The following SORBS3 variants were observed in gnomAD, a reference collection of about 807,000 sequenced individuals.
The protein encoded by SORBS3 is vinexin.
SORBS3 carries 69 observed loss-of-function variants against 98.0 expected under a neutral mutation model. The observed-to-expected ratio is 0.70, with a 90% CI of 0.58 to 0.86. The LOEUF (loss-of-function observed/expected upper bound fraction) is 0.86, where lower values mean the gene tolerates loss of function less well. SORBS3 is among the 40% of genes least tolerant of loss of function. The pLI is 0.00. For synonymous variants in SORBS3, 394 were observed against 355.4 expected, an observed-to-expected ratio of 1.11 and a Z score of -1.22; for missense variants, 954 against 908.5, an observed-to-expected ratio of 1.05 and a Z score of -0.64.
upstream of SORBS3, among the ~76,000 whole-genome samples, chr8:22,550,493 C>A (rs944635778): frequency 5.3e-5 from 8 of 152,220 alleles, no homozygotes; most frequent in Non-Finnish European, 1.0e-4. Context: ...GCCCCGCAGG[C>A]GCTAGAGGCC....
chr8:22,564,665 T>C, intron 10 of SORBS3, 144 bp downstream of exon 10: 2 of 1,373,234 alleles, frequency 1.5e-6, no homozygotes, highest in African/African-American at 1.5e-5. Context: ...ATGCCAGCAC[T>C]CAGGACAGTG....
Position 22,561,318 on chromosome 8 carries a change from C to T in SORBS3, c.479-17C>T, listed in dbSNP as rs374402685. 1.3e-6 allele frequency: 2 copies of T among 1,586,734 alleles called. No individual in the cohort carries two copies. The highest frequency in any genetic ancestry group is 2.7e-5 in the African/African-American group (2 of 74,078). Reference sequence around the variant, plus strand: ...TTTCTGCCCCGTCCCATGACCTGGTCCCTTCTGCTCCTGCAGACTTGCAGC... The same window carrying T: ...TTTCTGCCCCGTCCCATGACCTGGTTCCTTCTGCTCCTGCAGACTTGCAGC... On this transcript the variant is annotated splice_polypyrimidine_tract_variant and intron_variant, in intron 5 of 20. Transcript: ENST00000240123.
chr8:22,555,836 A>G (rs1043085833), intron 3 of SORBS3, among the ~76,000 whole-genome samples: 1 of 152,192 alleles, frequency 6.6e-6, no homozygotes, highest in Non-Finnish European at 1.5e-5. Flanking sequence ...GGGCAACAAG[A>G]GCAAAACTGT....
intron 12 of SORBS3, 87 bp from the exon 13 acceptor site, chr8:22,566,258 G>A (rs1840416056): frequency 6.8e-7 from 1 of 1,481,094 alleles, no homozygotes; most frequent in Admixed American, 2.2e-5. Context: ...CAGGGATGGG[G>A]GCGATGGGGG....
Position 22,565,423 on chromosome 8 carries a change from C to T in SORBS3, c.903+69C>T, listed in dbSNP as rs533690584. The T allele has an allele frequency of 1.6e-3, 2,102 of 1,310,704 alleles. 17 individuals carry two copies. Among genetic ancestry groups the T allele is most frequent in the Middle Eastern group, 1.0e-2 (38 of 3,818 alleles). 81.2% of individuals were successfully genotyped at this position (1,310,704 alleles called of 1,614,324 possible). The stretch of plus-strand genomic sequence containing the variant: ...CAGGGTCGGGGCGAGCCGGGAGCCT[C>T]GGCGGCTGGGCTGGGCGGAGGACGG... On this transcript the variant is annotated intron_variant, in intron 11 of 20. Transcript: ENST00000240123.
chr8:22,571,728 C>T lies in SORBS3; in HGVS notation c.1754C>T (p.Thr585Ile). Residue 585 changes from threonine (T) to isoleucine (I), a missense_variant, in exon 19 of 21, where the codon ACC (threonine) becomes ATC (isoleucine). Thr to Ile is a moderately conservative substitution (Grantham distance 89, BLOSUM62 -1). Coordinates refer to ENST00000240123, the MANE Select transcript of SORBS3 (RefSeq NM_005775.5). ...EPRPQTQNLG[T>I]PGPALSHSRG... ...CCTGTCAACTCCCAGAATCTTGGCACCCCTGGTCCAGCTCTGTCCCACTCT... is the reference window on the plus strand; with the variant it reads ...CCTGTCAACTCCCAGAATCTTGGCATCCCTGGTCCAGCTCTGTCCCACTCT... 5 of 1,613,654 alleles carry T rather than the reference C, an allele frequency of 3.1e-6. No individual in the cohort carries two copies. Among genetic ancestry groups the T allele is most frequent in the Non-Finnish European group, 4.2e-6 (5 of 1,179,616 alleles).
chr8:22,564,132 G>C, intron 8 of SORBS3, 55 bp downstream of exon 8: 1 of 1,558,986 alleles, frequency 6.4e-7, no homozygotes, highest in Admixed American at 1.7e-5. Flanking sequence ...GTATGGCCAA[G>C]ACCCTATGCC....
At chr8:22,564,690 G>A in intron 10 of SORBS3, 169 bp downstream of exon 10, 1 of 1,387,766 alleles carries the variant, frequency 7.2e-7, no homozygotes, top group Non-Finnish European at 9.5e-7. Context: ...GCATACAGGA[G>A]GCGCTCAGTA....
At chr8:22,568,200 T>C (rs1206960193) in intron 16 of SORBS3, among the ~76,000 whole-genome samples, 2 of 152,230 alleles carry the variant, frequency 1.3e-5, no homozygotes, top group Non-Finnish European at 2.9e-5. Flanking sequence ...TCTTCTCTTA[T>C]TCTGTCTAGA....
upstream of SORBS3, among the ~76,000 whole-genome samples, chr8:22,550,573 C>A (rs751341686): frequency 6.6e-6 from 1 of 152,182 alleles, no homozygotes; most frequent in Non-Finnish European, 1.5e-5. Flanking sequence ...TTCAAGGCAA[C>A]GGGGAGAGCT....
At chr8:22,560,417 TGA>T (rs1840268660) in intron 5 of SORBS3, among the ~76,000 whole-genome samples, 1 of 152,122 alleles carries the variant, frequency 6.6e-6, no homozygotes, top group South Asian at 2.1e-4. Context: ...CTTAGAAGTT[TGA>T]GAGATGAGGC....
chr8:22,566,117 G>C (rs1840411221), intron 12 of SORBS3: 2 of 597,408 alleles, frequency 3.3e-6, no homozygotes, highest in East Asian at 3.5e-5. Flanking sequence ...AGCGCGGTTA[G>C]GGCGGCCCCG....
At chr8:22,572,724 C>T (rs759413201) in intron 20 of SORBS3, among the ~76,000 whole-genome samples, 26 of 152,222 alleles carry the variant, frequency 1.7e-4, no homozygotes, top group Admixed American at 1.4e-3. Context: ...GGGTTCCCAA[C>T]GTCCAGAGCT....
chr8:22,556,597 C>T, intron 3 of SORBS3, 118 bp from the exon 4 acceptor site: 1 of 840,486 alleles, frequency 1.2e-6, no homozygotes, highest in Non-Finnish European at 1.9e-6. Context: ...CTCAAACAAA[C>T]AAGGCGATGT....
rs768574758 is a variant in SORBS3, at chr8:22,571,824, G to A, written c.1847+3G>A. The A allele has an allele frequency of 3.8e-6, 6 of 1,598,536 alleles. No homozygotes were observed. The Admixed American group carries it at 5.0e-5, about 13-fold the overall frequency. ...ACCTCTCAGATACACTGGACCCCGT[G>A]AGTACCATCTGAGGGCTCTTGATCA... On this transcript the variant is annotated splice_donor_region_variant and intron_variant, in intron 19 of 20. Coordinates refer to ENST00000240123, the MANE Select transcript of SORBS3 (RefSeq NM_005775.5).
Position 22,565,839 on chromosome 8 carries a change from C to A in SORBS3, c.917C>A (p.Pro306His). The change falls in exon 12 of 21, where the codon CCC becomes CAC. Residue 306 changes from proline (P) to histidine (H), a missense_variant. Pro to His is a moderately conservative substitution (Grantham distance 77, BLOSUM62 -2). Transcript: ENST00000240123. ...TTCCCCGCGCAGAGCTCGCCGGCGC[C>A]CCGACGGGCCCCGGAGCAGCGGCCC... ...RLPSPKSSPA[P>H]RRAPEQRPPA... is the part of the protein sequence containing the mutation. The A allele has an allele frequency of 7.7e-7, 1 of 1,297,794 alleles. No individual in the cohort carries two copies. The highest frequency in any genetic ancestry group is 2.2e-5 in the South Asian group (1 of 46,150). 80.4% of individuals were successfully genotyped at this position (1,297,794 alleles called of 1,614,324 possible). A position where few individuals can be genotyped will look rare whatever the true frequency, so the allele number is the denominator to read the frequency against.
At chr8:22,566,179 G>A in intron 12 of SORBS3, 166 bp from the exon 13 acceptor site, 1 of 939,378 alleles carries the variant, frequency 1.1e-6, no homozygotes, top group Non-Finnish European at 1.5e-6. Flanking sequence ...CCTTCCCCGC[G>A]CAGCGACTCG....
chr8:22,566,164 C>G (rs1351253805), intron 12 of SORBS3, 181 bp from the exon 13 acceptor site: 28 of 851,036 alleles, frequency 3.3e-5, no homozygotes, highest in Non-Finnish European at 4.0e-5. Flanking sequence ...CCTGCCGGGC[C>G]TCACCCTTCC....
intron 6 of SORBS3, chr8:22,561,603 T>A (rs993677005): frequency 1.6e-6 from 1 of 613,500 alleles, no homozygotes; most frequent in Admixed American, 2.8e-5. Context: ...TGGCCGGGAT[T>A]TCTCTGGGCC....
Sources: gnomAD v4.1 joint callset for allele counts (sites outside exome capture counted in the v4.1 genomes callset) on GRCh38, gnomAD v4.1.1 for gene constraint, MANE v1.5 for transcripts, NCBI Gene and HGNC (gene_info 2026-07-23, HGNC 2026-07-21) for gene names.